Variants in GPC1 observed in about 807,000 individuals in gnomAD.
GPC1 encodes the protein glypican-1.
GPC1 carries 26 observed loss-of-function variants against 51.5 expected under a neutral mutation model. That is an observed-to-expected ratio of 0.50 (90% CI 0.37 to 0.70). The LOEUF (loss-of-function observed/expected upper bound fraction) is 0.70. GPC1 is among the 30% of genes least tolerant of loss of function. The pLI is 0.00. For synonymous variants in GPC1, 380 were observed against 348.3 expected (o/e 1.09, Z -1.01); for missense variants, 775 against 800.5 (o/e 0.97, Z 0.38).
At position 240,460,581 on chromosome 2, in the gene GPC1, G is replaced by C. The variant is rs111323424; in HGVS notation, c.325+1393G>C. On this transcript the variant is annotated intron_variant, in intron 2 of 8. Coordinates refer to ENST00000264039, the MANE Select transcript of GPC1 (RefSeq NM_002081.3). ...CCTGCTTCCTCCTGGCTCTTAGGGG[G>C]TTGGTGTCGCTGCCCTGCTCTGGGG... 1.9e-3 allele frequency among the ~76,000 whole-genome samples: 286 copies of C among 152,302 alleles called. 4 individuals are homozygous for C. The highest frequency in any genetic ancestry group is 6.6e-3 in the African/African-American group (276 of 41,564).
intron 1 of GPC1, among the ~76,000 whole-genome samples, chr2:240,445,824 T>G (rs116254678): frequency 0.01 from 1,527 of 152,304 alleles, 13 homozygotes; most frequent in Non-Finnish European, 0.013. Context: ...AGCAGACAGC[T>G]TGGAAAACGG....
At chr2:240,438,545 G>A (rs2073998719) in intron 1 of GPC1, among the ~76,000 whole-genome samples, 1 of 152,178 alleles carries the variant, frequency 6.6e-6, no homozygotes, top group Admixed American at 6.5e-5. Context: ...ACTTCTCCAG[G>A]GGGACCTCCT....
At chr2:240,462,627 C>G in intron 3 of GPC1, 45 bp downstream of exon 3, 1 of 1,481,674 alleles carries the variant, frequency 6.7e-7, no homozygotes, top group South Asian at 1.3e-5. Flanking sequence ...TCCAGACCCC[C>G]ATGCTCTGCC....
intron 1 of GPC1, among the ~76,000 whole-genome samples, chr2:240,440,233 C>T (rs1240953532): frequency 1.3e-5 from 2 of 152,224 alleles, no homozygotes; most frequent in East Asian, 1.9e-4. Flanking sequence ...CTCATGAACC[C>T]GGGTGCTCTT....
intron 1 of GPC1, among the ~76,000 whole-genome samples, chr2:240,454,011 T>C (rs1239547094): frequency 6.7e-6 from 1 of 150,142 alleles, no homozygotes; most frequent in Non-Finnish European, 1.5e-5. Context: ...GCGGAGGTTC[T>C]GCGGCGGCGG....
Position 240,462,270 on chromosome 2 carries a change from G to A in GPC1, c.405G>A (p.Thr135=), listed in dbSNP as rs777362324. Reference sequence around the variant, plus strand: ...CCGGCGCCTTCGGAGAGCTGTACACGCAGAACGCGAGGGCCTTCCGGGACC... The same window carrying A: ...CCGGCGCCTTCGGAGAGCTGTACACACAGAACGCGAGGGCCTTCCGGGACC... The part of the protein sequence containing the change: ...TFPGAFGELY[T]QNARAFRDLY... Residue 135 remains threonine (T), a synonymous_variant, in exon 3 of 9, where the codon ACG becomes ACA. Transcript: ENST00000264039. The A allele has an allele frequency of 4.9e-5, 79 of 1,610,376 alleles. 2 individuals are homozygous for A. In the Middle Eastern group the frequency reaches 1.5e-3, roughly 31 times the overall value.
At chr2:240,450,688 G>T (rs1328381055) in intron 1 of GPC1, 2 of 469,192 alleles carry the variant, frequency 4.3e-6, no homozygotes, top group African/African-American at 2.0e-5. Context: ...GGCTTGGGGG[G>T]GTGTGGCTCG....
At chr2:240,450,529 C>T (rs768592319) in intron 1 of GPC1, 1 of 459,870 alleles carries the variant, frequency 2.2e-6, no homozygotes, top group Non-Finnish European at 4.6e-6. Flanking sequence ...AATGACTCGG[C>T]TTAACCCCCT....
chr2:240,463,300 G>C, intron 3 of GPC1, 47 bp from the exon 4 acceptor site: 7 of 1,573,728 alleles, frequency 4.4e-6, no homozygotes, highest in Non-Finnish European at 6.1e-6. Context: ...CCGGGGCCAG[G>C]CACCCCCAGG....
At position 240,464,945 on chromosome 2, in the gene GPC1, G is replaced by A; in HGVS notation, c.1104G>A (p.Glu368=). ...GCCGGGGCAAGCTGGCCCCGCGGGA[G>A]AGGCCACCTTCAGGCACGCTGGAGA... ...KRRRGKLAPR[E]RPPSGTLEKL... The change falls in exon 6 of 9, where the codon GAG becomes GAA. Residue 368 remains glutamate (E), a synonymous_variant. Transcript: ENST00000264039. 1 of 1,552,442 alleles carries A rather than the reference G, an allele frequency of 6.4e-7. No homozygotes were observed. The highest frequency in any genetic ancestry group is 8.7e-7 in the Non-Finnish European group (1 of 1,148,244).
At chr2:240,456,178 C>CGG (rs2151793546) in intron 1 of GPC1, 10 of 259,306 alleles carry the variant, frequency 3.9e-5, no homozygotes, top group South Asian at 3.1e-4. Context: ...GGCCGGTGCG[C>CGG]GGCCGTGAGG....
intron 3 of GPC1, among the ~76,000 whole-genome samples, chr2:240,463,073 C>T (rs2074230325): frequency 1.3e-5 from 2 of 152,206 alleles, no homozygotes; most frequent in African/African-American, 2.4e-5. Context: ...CTGCCCCCAC[C>T]TCCAGGCTCC....
chr2:240,452,893 T>C, intron 1 of GPC1: 1 of 250,844 alleles, frequency 4.0e-6, no homozygotes, highest in South Asian at 3.5e-5. Flanking sequence ...CCCGCCCTCG[T>C]CCCCCGCTGG....
chr2:240,459,875 GAA>G (rs1426364527), intron 2 of GPC1, among the ~76,000 whole-genome samples: 1 of 152,170 alleles, frequency 6.6e-6, no homozygotes, highest in Non-Finnish European at 1.5e-5. Context: ...CCTCTGATCA[GAA>G]ACACGAGGAC....
At chr2:240,443,740 C>G (rs1368468424) in intron 1 of GPC1, among the ~76,000 whole-genome samples, 5 of 152,210 alleles carry the variant, frequency 3.3e-5, no homozygotes, top group Non-Finnish European at 7.3e-5. Flanking sequence ...GTCCCTCTTT[C>G]CCCAGGCCCT....
chr2:240,457,045 C>G (rs2074171835), intron 1 of GPC1, among the ~76,000 whole-genome samples: 1 of 152,096 alleles, frequency 6.6e-6, no homozygotes, highest in Non-Finnish European at 1.5e-5. Flanking sequence ...TAAGGAGGGG[C>G]GGGGGGCGCA....
intron 1 of GPC1, 111 bp downstream of exon 1, chr2:240,436,195 C>T: frequency 1.4e-6 from 1 of 713,932 alleles, no homozygotes; most frequent in Non-Finnish European, 1.9e-6. Context: ...GCCGCCTGCG[C>T]CCCGCCGCCC....
At chr2:240,464,490 C>T in intron 4 of GPC1, 126 bp from the exon 5 acceptor site, 6 of 1,299,946 alleles carry the variant, frequency 4.6e-6, no homozygotes, top group Non-Finnish European at 6.6e-6. Context: ...CACGTGGGAT[C>T]TCCCATGCTG....
chr2:240,444,104 T>G (rs1408034985), intron 1 of GPC1, among the ~76,000 whole-genome samples: 1 of 152,186 alleles, frequency 6.6e-6, no homozygotes. Context: ...ACGGCCCGGC[T>G]TCTTTGCAGC....
Sources: allele counts gnomAD v4.1 joint callset (sites outside exome capture counted in the v4.1 genomes callset), GRCh38; gene constraint gnomAD v4.1.1; transcripts MANE v1.5; gene names NCBI Gene and HGNC (gene_info 2026-07-23, HGNC 2026-07-21).